Variants in TMEM43 observed in about 807,000 individuals in gnomAD.
TMEM43 encodes arrhythmogenic right ventricular dysplasia 5.
TMEM43 carries 45 observed loss-of-function variants against 49.6 expected under a neutral mutation model. That is an observed-to-expected ratio of 0.91 (90% CI 0.71 to 1.16). TMEM43 has a LOEUF of 1.16. Ranked by LOEUF, TMEM43 falls within the 50% of genes most tolerant of loss-of-function variation. The pLI, the probability that TMEM43 is intolerant of heterozygous loss-of-function variation, is 0.00. For missense variants in TMEM43, 532 were observed against 516.6 expected (o/e 1.03, Z -0.29); for synonymous variants, 199 against 207.8 (o/e 0.96, Z 0.36).
rs2124987180 is a variant in TMEM43 at position 14,130,947 on chromosome 3, G to A, written c.288G>A (p.Arg96=). 6.2e-7 allele frequency: 1 copy of A among 1,611,056 alleles called. No individual in the cohort carries two copies. The highest frequency in any genetic ancestry group is 1.3e-5 in the African/African-American group (1 of 75,002). ...TGGTGCACATCATTGGCGCCTTACGGACATCCAAGGTAGGTTTGGCAGGGG... is the reference window on the plus strand; with the variant it reads ...TGGTGCACATCATTGGCGCCTTACGAACATCCAAGGTAGGTTTGGCAGGGG... ...GRLVHIIGAL[R]TSKLLSDPNY... The change falls in exon 3 of 12, where the codon CGG becomes CGA. Residue 96 remains arginine (R), a synonymous_variant. Coordinates refer to ENST00000306077, the MANE Select transcript of TMEM43 (RefSeq NM_024334.3).
chr3:14,130,968 A>C lies in TMEM43; in HGVS notation c.297+12A>C. ...TACGGACATCCAAGGTAGGTTTGGC[A>C]GGGGATGCTGACCTGCCAGTGGCTC... is the stretch of plus-strand genomic sequence containing the variant. On this transcript the variant is annotated intron_variant, in intron 3 of 11. Coordinates refer to ENST00000306077, the MANE Select transcript of TMEM43 (RefSeq NM_024334.3). 2.5e-6 allele frequency: 4 copies of C among 1,605,764 alleles called. No individual in the cohort carries two copies. The highest frequency in any genetic ancestry group is 3.4e-6 in the Non-Finnish European group (4 of 1,174,154).
chr3:14,132,600 G>GTGC lies in TMEM43; in HGVS notation c.442+8_442+10dup. The GTGC allele has an allele frequency of 6.2e-7, 1 of 1,614,124 alleles. No individual in the cohort carries two copies. The highest frequency in any genetic ancestry group is 1.1e-5 in the South Asian group (1 of 91,090). On this transcript the variant is annotated splice_donor_region_variant and intron_variant, in intron 5 of 11. Coordinates refer to ENST00000306077, the MANE Select transcript of TMEM43 (RefSeq NM_024334.3). ...AGGAGACGAGGTATTCCTACAGTGAGTGCTGGGCCCCTTACGTGGTCTCTG... is the reference window on the plus strand; with the variant it reads ...AGGAGACGAGGTATTCCTACAGTGAGTGCTGCTGGGCCCCTTACGTGGTCTCTG...
In TMEM43 at chr3:14,141,864, A is replaced by G; in HGVS notation, c.*69A>G. 6.7e-7 allele frequency: 1 copy of G among 1,494,766 alleles called. No homozygotes were observed. Among genetic ancestry groups the G allele is most frequent in the Non-Finnish European group, 9.1e-7 (1 of 1,103,342 alleles). The allele number at this position is 1,494,766 out of a possible 1,614,324, so 92.6% of individuals were successfully genotyped here. ...CCAGGTCCTCTCTCACCTCTGACCCAGCTCCATGCCAGAGCAGGAGCCCCG... is the reference window on the plus strand; with the variant it reads ...CCAGGTCCTCTCTCACCTCTGACCCGGCTCCATGCCAGAGCAGGAGCCCCG... On this transcript the variant is annotated 3_prime_UTR_variant, in exon 12 of 12. Transcript: ENST00000306077.
intron 1 of TMEM43, among the ~76,000 whole-genome samples, chr3:14,126,886 AC>A (rs1261495413): frequency 1.3e-5 from 2 of 152,348 alleles, no homozygotes; most frequent in East Asian, 3.9e-4. Flanking sequence ...CAGCAGCAGT[AC>A]CTGTGGTGAA....
rs10648308 is a variant in TMEM43 at position 14,129,307 on chromosome 3, T to TAAAAAAAAAAAAAAAAAA, written c.13-95_13-78dup. 8.7e-6 allele frequency: 3 copies of TAAAAAAAAAAAAAAAAAA among 345,148 alleles called. No homozygotes were observed. The African/African-American group carries it at 1.1e-4, about 12-fold the overall frequency. 21.4% of individuals were successfully genotyped at this position (345,148 alleles called of 1,614,324 possible). ...TGTTTTTACCACATACAGTTAAAAC[T>TAAAAAAAAAAAAAAAAAA]AAAAAAAAAAAAAAAAAAAAAAAAA... On this transcript the variant is annotated intron_variant, in intron 1 of 11. Transcript: ENST00000306077.
chr3:14,134,884 A>G lies in TMEM43; in HGVS notation c.698A>G (p.Tyr233Cys), dbSNP rs35924492. ...DFFYHSENPK[Y>C]PEVGDLRVSF... is the part of the protein sequence containing the mutation. ...TTCTACCACAGCGAAAATCCCAAGT[A>G]TCCAGAGGTGTGCGGAGAGGCCTGG... The change falls in exon 8 of 12, where the codon TAT becomes TGT. Residue 233 changes from tyrosine (Y) to cysteine (C), a missense_variant. Coordinates refer to ENST00000306077, the MANE Select transcript of TMEM43 (RefSeq NM_024334.3). 1,790 of 1,614,180 alleles carry G rather than the reference A, an allele frequency of 1.1e-3. 20 individuals carry two copies. In the African/African-American group the frequency reaches 0.021, roughly 19 times the overall value.
Position 14,142,480 on chromosome 3 carries a change from TTAAG to T in TMEM43, c.*687_*690del, listed in dbSNP as rs1158842885. ...TGTGTGGGATCTCTGAAGGCCCTAT[TTAAG>T]TTTTTCTTCGTTACTTTGCTGCTTC... On this transcript the variant is annotated 3_prime_UTR_variant, in exon 12 of 12. Transcript: ENST00000306077. 2.6e-5 allele frequency: 4 copies of T among 152,690 alleles called. No homozygotes were observed. Among genetic ancestry groups the T allele is most frequent in the African/African-American group, 9.6e-5 (4 of 41,462 alleles). 9.5% of individuals were successfully genotyped at this position (152,690 alleles called of 1,614,324 possible).
intron 1 of TMEM43, among the ~76,000 whole-genome samples, chr3:14,126,764 AT>A (rs763656803): frequency 6.6e-6 from 1 of 152,190 alleles, no homozygotes; most frequent in Non-Finnish European, 1.5e-5. Context: ...GCTGCCAAGC[AT>A]TTTTTGATTC....
At chr3:14,128,990 C>T (rs754983005) in intron 1 of TMEM43, 8 of 456,192 alleles carry the variant, frequency 1.8e-5, no homozygotes, top group South Asian at 1.2e-4. Context: ...GAATGAATTG[C>T]AAAAGCAGTG....
At chr3:14,141,534 C>T in intron 11 of TMEM43, 59 bp from the exon 12 acceptor site, 3 of 1,507,448 alleles carry the variant, frequency 2.0e-6, no homozygotes, top group Non-Finnish European at 2.8e-6. Flanking sequence ...CAGGAGAGAT[C>T]TGCTGAGCTG....
chr3:14,132,753 T>C (rs1304389078), intron 5 of TMEM43, 113 bp from the exon 6 acceptor site: 19 of 1,386,948 alleles, frequency 1.4e-5, no homozygotes, highest in South Asian at 3.5e-5. Flanking sequence ...CACCCATCCA[T>C]TGAGGCTCCC....
At chr3:14,138,968 C>T (rs990295665) in intron 10 of TMEM43, among the ~76,000 whole-genome samples, 15 of 152,176 alleles carry the variant, frequency 9.9e-5, no homozygotes, top group East Asian at 3.9e-4. Context: ...GAGGAAGGCC[C>T]GTACGTTCCA....
At chr3:14,128,308 C>G (rs1559359680) in intron 1 of TMEM43, among the ~76,000 whole-genome samples, 2 of 152,200 alleles carry the variant, frequency 1.3e-5, no homozygotes, top group Admixed American at 6.5e-5. Context: ...CCACTGTGAA[C>G]CTGCCCAGAA....
At chr3:14,127,887 C>A (rs1286664688) in intron 1 of TMEM43, among the ~76,000 whole-genome samples, 1 of 152,208 alleles carries the variant, frequency 6.6e-6, no homozygotes. Context: ...GCCCCCAATA[C>A]CAGGATGGGG....
rs1695085245 is a variant in TMEM43 at position 14,130,879 on chromosome 3, C to T, written c.220C>T (p.Pro74Ser). Residue 74 changes from proline (P) to serine (S), a missense_variant, in exon 3 of 12, where the codon CCC (proline) becomes TCC (serine). Physicochemically the swap from Pro to Ser is moderately conservative, Grantham distance 74. Coordinates refer to ENST00000306077, the MANE Select transcript of TMEM43 (RefSeq NM_024334.3). ...TGAGGGGCTCTCGCTTGTGGTGTCT[C>T]CCGACAGCATCCACAGTGTGGCTCC... The part of the protein sequence containing the change: ...LAEGLSLVVS[P>S]DSIHSVAPEN... 1.2e-6 allele frequency: 2 copies of T among 1,613,790 alleles called. No homozygotes were observed. The highest frequency in any genetic ancestry group is 2.2e-5 in the South Asian group (2 of 91,030).
chr3:14,136,167 C>G (rs1487731547), intron 10 of TMEM43, among the ~76,000 whole-genome samples: 1 of 152,168 alleles, frequency 6.6e-6, no homozygotes, highest in Non-Finnish European at 1.5e-5. Context: ...AACACAGAAT[C>G]TATTTATGTT....
chr3:14,130,067 CTCTT>C (rs906924782), intron 2 of TMEM43, among the ~76,000 whole-genome samples: 5 of 140,934 alleles, frequency 3.5e-5, no homozygotes, highest in African/African-American at 5.2e-5. Context: ...CTTTGTCTCT[CTCTT>C]TCTCTCTTTC....
At position 14,129,626 on chromosome 3, in the gene TMEM43, TG is replaced by T. The variant is rs377161962; in HGVS notation, c.162+66del. On this transcript the variant is annotated intron_variant, in intron 2 of 11. Coordinates refer to ENST00000306077, the MANE Select transcript of TMEM43 (RefSeq NM_024334.3). ...CCACCATGTCAGAGAGCAAAGGCGA[TG>T]AACCCGGAGGCTGGATTTGGTAATC... 7 of 1,585,346 alleles carry T rather than the reference TG, an allele frequency of 4.4e-6. No individual in the cohort carries two copies. In the African/African-American group the frequency reaches 9.4e-5, roughly 21 times the overall value.
In TMEM43 at chr3:14,141,811, C is replaced by T. The variant is rs3796310; in HGVS notation, c.*16C>T. The T allele has an allele frequency of 8.4e-4, 1,350 of 1,609,134 alleles. 20 individuals are homozygous for T. In the East Asian group the frequency reaches 0.026, roughly 31 times the overall value. ...GTTGGAGTGAAAAGACCCTGGCACCCGCCCGACACCTGCGTGAGCCCTAGG... is the reference window on the plus strand; with the variant it reads ...GTTGGAGTGAAAAGACCCTGGCACCTGCCCGACACCTGCGTGAGCCCTAGG... On this transcript the variant is annotated 3_prime_UTR_variant, in exon 12 of 12. Coordinates refer to ENST00000306077, the MANE Select transcript of TMEM43 (RefSeq NM_024334.3).
Sources: gnomAD v4.1 joint callset for allele counts (sites outside exome capture counted in the v4.1 genomes callset) on GRCh38, gnomAD v4.1.1 for gene constraint, MANE v1.5 for transcripts, NCBI Gene and HGNC (gene_info 2026-07-23, HGNC 2026-07-21) for gene names.